ZNF575: variants seen among roughly 807,000 people sequenced by gnomAD.
The protein encoded by ZNF575 is zinc finger protein 575.
ZNF575 carries 17 observed loss-of-function variants against 17.5 expected under a neutral mutation model. The observed-to-expected ratio is 0.97, with a 90% CI of 0.66 to 1.45. The LOEUF is 1.45. Among genes scored for constraint, ZNF575 ranks in the 40% most tolerant of loss-of-function variants. The pLI is 0.00. For missense variants in ZNF575, 352 were observed against 359.2 expected, an observed-to-expected ratio of 0.98 and a Z score of 0.16; for synonymous variants, 146 against 158.3, an observed-to-expected ratio of 0.92 and a Z score of 0.58.
Position 43,535,416 on chromosome 19 carries a change from TCTG to T in ZNF575, c.470_472del (p.Cys157del). 1 of 1,588,714 alleles carries T rather than the reference TCTG, an allele frequency of 6.3e-7. No individual in the cohort carries two copies. Among genetic ancestry groups the T allele is most frequent in the Non-Finnish European group, 8.6e-7 (1 of 1,163,340 alleles). ...CCGTGCCCCGACTGCCCCAAGTCCT[TCTG>T]CTACCCTTCCAAGCTGGCGGCCCAC... is the stretch of plus-strand genomic sequence containing the variant. On this transcript the variant is annotated inframe_deletion, in exon 4 of 4. Transcript: ENST00000314228.
At chr19:43,532,254 C>T (rs1055113323), upstream of ZNF575, among the ~76,000 whole-genome samples, 10 of 151,970 alleles carry the variant, frequency 6.6e-5, no homozygotes, top group Non-Finnish European at 1.2e-4. Flanking sequence ...GTCTCGAACT[C>T]CTGACGTCAG....
upstream of ZNF575, among the ~76,000 whole-genome samples, chr19:43,532,584 G>A (rs1413628290): frequency 2.0e-5 from 3 of 152,202 alleles, no homozygotes; most frequent in East Asian, 3.8e-4. Context: ...AGGCAATCTG[G>A]CTCCAGAGTC....
intron 3 of ZNF575, 66 bp from the exon 4 acceptor site, chr19:43,534,963 C>T: frequency 1.5e-6 from 2 of 1,343,018 alleles, no homozygotes; most frequent in African/African-American, 1.5e-5. Flanking sequence ...AAAGTCGTGG[C>T]GGAGCCTGGC....
At chr19:43,531,892 C>CG, upstream of ZNF575, 1 of 629,310 alleles carries the variant, frequency 1.6e-6, no homozygotes, top group Non-Finnish European at 2.8e-6. Flanking sequence ...TGAGTCCCCA[C>CG]TCCCTACCCC....
Position 43,535,770 on chromosome 19 carries a change from CG to C in ZNF575, c.*84del. The C allele has an allele frequency of 7.0e-7, 1 of 1,434,516 alleles. No individual in the cohort carries two copies. Among genetic ancestry groups the C allele is most frequent in the Non-Finnish European group, 9.3e-7 (1 of 1,080,260 alleles). The allele number at this position is 1,434,516 out of a possible 1,614,324, so 88.9% of individuals were successfully genotyped here. ...ATTTCTAAGACCGACTGTATGAGCT[CG>C]CCTCTTCCAGATAGCTGGCAGAGGG... On this transcript the variant is annotated 3_prime_UTR_variant, in exon 4 of 4. Transcript: ENST00000314228.
At chr19:43,531,860 ATTGCAGACATGAACTCCTGGGTG>A, upstream of ZNF575, 1 of 684,336 alleles carries the variant, frequency 1.5e-6, no homozygotes, top group Admixed American at 2.1e-5. Flanking sequence ...ATCATAGCTC[ATTGCAGACATGAACTCCTGGGTG>A]AGTCCCCACT....
chr19:43,535,576 G>A lies in ZNF575; in HGVS notation c.627G>A (p.Ala209=), dbSNP rs774614626. ...CCCCAACCGCGCCCGGCAGCCAGGCGACTGCCTGGCACCGATGCTCCAGCT... is the reference window on the plus strand; with the variant it reads ...CCCCAACCGCGCCCGGCAGCCAGGCAACTGCCTGGCACCGATGCTCCAGCT... ...HDPPTAPGSQ[A]TAWHRCSSCG... Residue 209 remains alanine (A), a synonymous_variant, in exon 4 of 4, where the codon GCG becomes GCA. Coordinates refer to ENST00000314228, the MANE Select transcript of ZNF575 (RefSeq NM_174945.3). 57 of 1,613,710 alleles carry A rather than the reference G, an allele frequency of 3.5e-5. No homozygotes were observed. The South Asian group carries it at 5.4e-4, about 15-fold the overall frequency.
chr19:43,535,303 G>A lies in ZNF575; in HGVS notation c.354G>A (p.Pro118=), dbSNP rs1600031849. The A allele has an allele frequency of 1.3e-6, 2 of 1,585,584 alleles. No individual in the cohort carries two copies. The highest frequency in any genetic ancestry group is 1.7e-6 in the Non-Finnish European group (2 of 1,169,128). The change falls in exon 4 of 4, where the codon CCG becomes CCA. Residue 118 remains proline, a synonymous_variant. Coordinates refer to ENST00000314228, the MANE Select transcript of ZNF575 (RefSeq NM_174945.3). ...GCCTCACGCACAGCGGCGCCCGCCC[G>A]CACCCGTGCCCACACTGCCCGAAGT... The part of the protein sequence containing the change: ...AHRLTHSGAR[P]HPCPHCPKSF...
At chr19:43,534,611 CTATT>C in intron 3 of ZNF575, 110 bp downstream of exon 3, 1 of 1,083,848 alleles carries the variant, frequency 9.2e-7, no homozygotes, top group Non-Finnish European at 1.2e-6. Flanking sequence ...AGGGTGATGA[CTATT>C]TGGGATCCCC....
chr19:43,531,527 A>G (rs1214879300), upstream of ZNF575, among the ~76,000 whole-genome samples: 1 of 152,064 alleles, frequency 6.6e-6, no homozygotes, highest in Non-Finnish European at 1.5e-5. Context: ...GGTTGCAGTG[A>G]GCCAAGATTG....
rs768379607 is a variant in ZNF575 at position 43,535,580 on chromosome 19, G to A, written c.631G>A (p.Ala211Thr). The A allele has an allele frequency of 8.7e-6, 14 of 1,613,718 alleles. No homozygotes were observed. The East Asian group carries it at 3.1e-4, about 36-fold the overall frequency. ...AACCGCGCCCGGCAGCCAGGCGACTGCCTGGCACCGATGCTCCAGCTGCGG... is the reference window on the plus strand; with the variant it reads ...AACCGCGCCCGGCAGCCAGGCGACTACCTGGCACCGATGCTCCAGCTGCGG... ...PPTAPGSQAT[A>T]WHRCSSCGQA... Residue 211 changes from alanine to threonine, a missense_variant, in exon 4 of 4, where the codon GCC (alanine) becomes ACC (threonine). Physicochemically the swap from Ala to Thr is moderately conservative, Grantham distance 58. Coordinates refer to ENST00000314228, the MANE Select transcript of ZNF575 (RefSeq NM_174945.3).
In ZNF575 at chr19:43,535,821, A is replaced by ATT; in HGVS notation, c.*134_*135insTT. The ATT allele has an allele frequency of 2.9e-6, 3 of 1,050,202 alleles. No individual in the cohort carries two copies. The highest frequency in any genetic ancestry group is 4.0e-6 in the Non-Finnish European group (3 of 746,090). 65.1% of individuals were successfully genotyped at this position (1,050,202 alleles called of 1,614,324 possible). On this transcript the variant is annotated 3_prime_UTR_variant, in exon 4 of 4. Transcript: ENST00000314228. ...GCAGGGCAAGGGATTGGCCATTTAT[A>ATT]CTGGGCTCGAGCTCAGAAGCCCGAG...
At chr19:43,532,061 C>T (rs1471727503), upstream of ZNF575, among the ~76,000 whole-genome samples, 1 of 149,998 alleles carries the variant, frequency 6.7e-6, no homozygotes, top group African/African-American at 2.5e-5. Context: ...CGGAGTCTCA[C>T]TCTGTTGCCC....
Position 43,535,057 on chromosome 19 carries a change from C to T in ZNF575, c.108C>T (p.Pro36=), listed in dbSNP as rs1972393870. 2 of 1,487,010 alleles carry T rather than the reference C, an allele frequency of 1.3e-6. No homozygotes were observed. The highest frequency in any genetic ancestry group is 1.8e-6 in the Non-Finnish European group (2 of 1,128,770). 92.1% of individuals were successfully genotyped at this position (1,487,010 alleles called of 1,614,324 possible). A position where few individuals can be genotyped will look rare whatever the true frequency, so the allele number is the denominator to read the frequency against. Residue 36 remains proline, a synonymous_variant, in exon 4 of 4, where the codon CCC becomes CCT. Transcript: ENST00000314228. ...CCCACCAGGGCCCACCGCAGAAGCCCAGCCAGTCAGCTCCAGGGCCCACCG... is the reference window on the plus strand; with the variant it reads ...CCCACCAGGGCCCACCGCAGAAGCCTAGCCAGTCAGCTCCAGGGCCCACCG... The part of the protein sequence containing the change: ...EAPHQGPPQK[P]SQSAPGPTAS...
At chr19:43,531,978 G>T, upstream of ZNF575, 1 of 376,970 alleles carries the variant, frequency 2.7e-6, no homozygotes, top group Non-Finnish European at 4.7e-6. Context: ...TTAAGATGGG[G>T]AGGTGTCTCA....
upstream of ZNF575, among the ~76,000 whole-genome samples, chr19:43,532,196 T>C (rs897251171): frequency 6.6e-6 from 1 of 151,814 alleles, no homozygotes; most frequent in African/African-American, 2.4e-5. Flanking sequence ...GCCTGACTAA[T>C]TTTTGTATTT....
Position 43,535,071 on chromosome 19 carries a change from C to T in ZNF575, c.122C>T (p.Pro41Leu). ...CCGCAGAAGCCCAGCCAGTCAGCTC[C>T]AGGGCCCACCGCGTCCGCGGGCTCG... ...GPPQKPSQSAPGPTASAGSPP... is the reference protein window; with the variant it reads ...GPPQKPSQSALGPTASAGSPP... The change falls in exon 4 of 4, where the codon CCA becomes CTA. Residue 41 changes from proline to leucine, a missense_variant. By Grantham distance (98) the Pro-to-Leu change is moderately conservative. Coordinates refer to ENST00000314228, the MANE Select transcript of ZNF575 (RefSeq NM_174945.3). 6.7e-7 allele frequency: 1 copy of T among 1,492,974 alleles called. No homozygotes were observed. Among genetic ancestry groups the T allele is most frequent in the South Asian group, 1.3e-5 (1 of 78,150 alleles). 92.5% of individuals were successfully genotyped at this position (1,492,974 alleles called of 1,614,324 possible).
rs750816868 is a variant in ZNF575 at position 43,534,452 on chromosome 19, C to A, written c.30C>A (p.Ala10=). The A allele has an allele frequency of 3.3e-6, 5 of 1,537,172 alleles. No individual in the cohort carries two copies. In the East Asian group the frequency reaches 7.5e-5, roughly 23 times the overall value. MLERGAESA[A]GATDPSPTGK... ...TGGAGCGAGGCGCGGAGTCCGCGGC[C>A]GGGGCTACCGATCCTAGTCCCACTG... is the stretch of plus-strand genomic sequence containing the variant. The change falls in exon 3 of 4, where the codon GCC becomes GCA. Residue 10 remains alanine (A), a synonymous_variant. Coordinates refer to ENST00000314228, the MANE Select transcript of ZNF575 (RefSeq NM_174945.3).
chr19:43,533,084 A>G (rs954578934), upstream of ZNF575: 1 of 152,242 alleles, frequency 6.6e-6, no homozygotes, highest in African/African-American at 2.4e-5. Flanking sequence ...GGGTGCATGC[A>G]CTGATTTCCA....
Sources: allele counts gnomAD v4.1 joint callset (sites outside exome capture counted in the v4.1 genomes callset), GRCh38; gene constraint gnomAD v4.1.1; transcripts MANE v1.5; gene names NCBI Gene and HGNC (gene_info 2026-07-23, HGNC 2026-07-21).